The following EIF2B3 variants were observed in gnomAD, a reference collection of about 807,000 sequenced individuals.
EIF2B3 encodes the protein translation initiation factor eIF2B subunit gamma.
EIF2B3 carries 20 observed loss-of-function variants against 54.1 expected under a neutral mutation model. The observed-to-expected ratio is 0.37, with a 90% confidence interval of 0.26 to 0.54. The LOEUF (loss-of-function observed/expected upper bound fraction) is 0.54, where lower values mean the gene tolerates loss of function less well. Among genes scored for constraint, EIF2B3 ranks in the 20% least tolerant of loss-of-function variants. The probability of loss-of-function intolerance (pLI) is 0.86; values close to 1 mark genes in which losing one functional copy is unlikely to be tolerated. For missense variants in EIF2B3, 448 were observed against 547.8 expected, an observed-to-expected ratio of 0.82 and a Z score of 1.82; for synonymous variants, 153 against 188.1, an observed-to-expected ratio of 0.81 and a Z score of 1.52.
chr1:44,901,969 C>CT (rs953866983), intron 5 of EIF2B3, among the ~76,000 whole-genome samples: 24 of 152,230 alleles, frequency 1.6e-4, no homozygotes, highest in African/African-American at 5.5e-4. Flanking sequence ...AATCCATTTT[C>CT]TTTTTTCTGT....
intron 5 of EIF2B3, among the ~76,000 whole-genome samples, chr1:44,907,812 C>T (rs1643443202): frequency 2.7e-5 from 4 of 147,478 alleles, no homozygotes; most frequent in African/African-American, 1.0e-4. Flanking sequence ...ATCGCTTGAA[C>T]CCAGGAGGTG....
chr1:44,945,544 A>C (rs1277464579), intron 3 of EIF2B3, among the ~76,000 whole-genome samples: 3 of 144,718 alleles, frequency 2.1e-5, no homozygotes, highest in Non-Finnish European at 4.5e-5. Context: ...ACAGCGCAAG[A>C]CTCCGTCTCA....
At chr1:44,950,845 C>T (rs913920404) in intron 3 of EIF2B3, among the ~76,000 whole-genome samples, 6 of 152,120 alleles carry the variant, frequency 3.9e-5, no homozygotes, top group Non-Finnish European at 8.8e-5. Context: ...TGTGTCACCA[C>T]ACCTGGCTGA....
chr1:44,897,267 A>G, intron 6 of EIF2B3, 88 bp downstream of exon 6: 6 of 944,442 alleles, frequency 6.4e-6, no homozygotes, highest in Non-Finnish European at 1.0e-5. Context: ...GAAACTGGTT[A>G]TCTAAATTAT....
At chr1:44,956,558 A>T (rs1033059634) in intron 3 of EIF2B3, among the ~76,000 whole-genome samples, 7 of 152,176 alleles carry the variant, frequency 4.6e-5, no homozygotes, top group Non-Finnish European at 8.8e-5. Context: ...AAGATAGATG[A>T]AGCAGATAAA....
At chr1:44,951,643 G>C (rs1644161477) in intron 3 of EIF2B3, among the ~76,000 whole-genome samples, 4 of 152,156 alleles carry the variant, frequency 2.6e-5, no homozygotes, top group Non-Finnish European at 5.9e-5. Flanking sequence ...GCATTGGCTA[G>C]TCTCCTTTTA....
intron 5 of EIF2B3, among the ~76,000 whole-genome samples, chr1:44,908,611 T>G (rs996373027): frequency 6.6e-6 from 1 of 152,172 alleles, no homozygotes; most frequent in Admixed American, 6.6e-5. Context: ...AGATGAGATA[T>G]AAGGCTGGAG....
rs1171020644 is a variant in EIF2B3, at chr1:44,951,954, A to ATTTTTTTTTTTTTTTTT, written c.295-10306_295-10290dup. On this transcript the variant is annotated intron_variant, in intron 3 of 11. Transcript: ENST00000360403. ...AGGGGCGCACCACCATGCCTGGCTA[A>ATTTTTTTTTTTTTTTTT]TTTTTTTTTTTTTTTTTTTTTTTTT... 8.7e-4 allele frequency among the ~76,000 whole-genome samples: 39 copies of ATTTTTTTTTTTTTTTTT among 44,650 alleles called. 10 individuals carry two copies. The highest frequency in any genetic ancestry group is 6.2e-3 in the East Asian group (2 of 324). The allele number at this position is 44,650 out of a possible 152,430, so 29.3% of individuals were successfully genotyped here.
chr1:44,881,495 C>A lies in EIF2B3; in HGVS notation c.784+117G>T. The A allele has an allele frequency of 7.1e-7, 1 of 1,416,284 alleles. No homozygotes were observed. The highest frequency in any genetic ancestry group is 1.2e-5 in the South Asian group (1 of 86,504). 87.7% of individuals were successfully genotyped at this position (1,416,284 alleles called of 1,614,324 possible). A position where few individuals can be genotyped will look rare whatever the true frequency, so the allele number is the denominator to read the frequency against. On this transcript the variant is annotated intron_variant, in intron 7 of 11. Transcript: ENST00000360403. The surrounding 1 kb of genome is among the most constrained non-coding windows in gnomAD (Gnocchi z 4.0). The stretch of plus-strand genomic sequence containing the variant: ...TGGCAAGCCTGTCTTGCCTCGTAGG[C>A]TAGAAATAGTCTGCTGCCTTGAGTC...
At chr1:44,948,865 T>TTTTC (rs1462662153) in intron 3 of EIF2B3, among the ~76,000 whole-genome samples, 5 of 104,396 alleles carry the variant, frequency 4.8e-5, no homozygotes, top group Non-Finnish European at 1.1e-4. Context: ...TTTTCTTTTC[T>TTTTC]TTTTTTTTGA....
intron 10 of EIF2B3, among the ~76,000 whole-genome samples, chr1:44,867,967 G>C (rs1036314292): frequency 8.5e-5 from 13 of 152,080 alleles, no homozygotes; most frequent in African/African-American, 2.9e-4. Context: ...GAGCCCAGGA[G>C]GTTGAGGCTG....
intron 10 of EIF2B3, among the ~76,000 whole-genome samples, chr1:44,859,910 C>T (rs1258815385): frequency 6.6e-6 from 1 of 150,578 alleles, no homozygotes; most frequent in Non-Finnish European, 1.5e-5. Context: ...GTGCCTGCCA[C>T]CACACCTGGC....
intron 4 of EIF2B3, among the ~76,000 whole-genome samples, chr1:44,931,512 A>G (rs1327647593): frequency 1.3e-5 from 2 of 152,264 alleles, no homozygotes; most frequent in Non-Finnish European, 2.9e-5. Context: ...GAGATGAGCC[A>G]TCTTGGCTAC....
At chr1:44,915,291 C>A (rs1266480927) in intron 5 of EIF2B3, among the ~76,000 whole-genome samples, 12 of 148,460 alleles carry the variant, frequency 8.1e-5, no homozygotes, top group Non-Finnish European at 1.7e-4. Context: ...CAGAGTGAGA[C>A]CCTGTCTCAA....
intron 6 of EIF2B3, among the ~76,000 whole-genome samples, chr1:44,892,247 T>G (rs550753240): frequency 1.3e-5 from 2 of 152,326 alleles, no homozygotes; most frequent in East Asian, 3.9e-4. Context: ...GCTTGCTGTC[T>G]CTTTACCCAT....
intron 10 of EIF2B3, among the ~76,000 whole-genome samples, chr1:44,873,743 C>G (rs1468376166): frequency 1.3e-5 from 2 of 151,836 alleles, no homozygotes; most frequent in Non-Finnish European, 2.9e-5. Context: ...TGGGTTCAAG[C>G]CATTCTCCTG....
intron 3 of EIF2B3, among the ~76,000 whole-genome samples, chr1:44,964,877 G>C (rs532173088): frequency 1.3e-5 from 2 of 152,194 alleles, no homozygotes; most frequent in Non-Finnish European, 2.9e-5. Context: ...TATGGATTTA[G>C]TCTGCTTGAA....
chr1:44,933,784 C>A (rs1405548350), intron 4 of EIF2B3, among the ~76,000 whole-genome samples: 1 of 152,070 alleles, frequency 6.6e-6, no homozygotes, highest in African/African-American at 2.4e-5. Context: ...GCTATTAGGT[C>A]AAAATGCTAT....
chr1:44,874,856 C>T (rs377388021), intron 9 of EIF2B3, 30 bp from the exon 10 acceptor site: 1 of 1,613,802 alleles, frequency 6.2e-7, no homozygotes, highest in Non-Finnish European at 8.5e-7. Context: ...AAACTCTGTC[C>T]ACCCATCTCA....
Sources: allele counts gnomAD v4.1 joint callset (sites outside exome capture counted in the v4.1 genomes callset), GRCh38; gene constraint gnomAD v4.1.1; non-coding constraint Gnocchi (gnomAD v3.1); transcripts MANE v1.5; gene names NCBI Gene and HGNC (gene_info 2026-07-23, HGNC 2026-07-21).